Variants in CD101 observed in about 807,000 individuals in gnomAD.
CD101 encodes the protein immunoglobulin superfamily member 2.
Under a neutral mutation model 98.2 loss-of-function variants are expected in CD101, and 76 were observed. The observed-to-expected ratio is 0.77, with a 90% confidence interval of 0.64 to 0.94. CD101 has a LOEUF of 0.94. CD101 is among the 40% of genes least tolerant of loss of function. The pLI is 0.00. For synonymous variants in CD101, 471 were observed against 472.7 expected, an observed-to-expected ratio of 1.00 and a Z score of 0.05; for missense variants, 1,145 against 1,218.8, an observed-to-expected ratio of 0.94 and a Z score of 0.90.
chr1:117,008,964 A>G (rs1054593612), intron 1 of CD101, among the ~76,000 whole-genome samples: 7 of 152,252 alleles, frequency 4.6e-5, no homozygotes, highest in Admixed American at 3.9e-4. Context: ...TCTGCAACAC[A>G]AAATGAACTA....
At chr1:117,032,684 T>C (rs1442804567) in intron 8 of CD101, among the ~76,000 whole-genome samples, 6 of 152,232 alleles carry the variant, frequency 3.9e-5, no homozygotes, top group African/African-American at 1.4e-4. Context: ...ATTTCAGATA[T>C]CATGTCATAA....
At chr1:117,011,461 T>TA (rs1448748842) in intron 2 of CD101, 89 bp from the exon 3 acceptor site, 2 of 1,116,586 alleles carry the variant, frequency 1.8e-6, no homozygotes, top group Admixed American at 4.5e-5. Context: ...GTCTGTGTGC[T>TA]TTACATAGGG....
intron 8 of CD101, among the ~76,000 whole-genome samples, chr1:117,032,763 ACTGTTTC>A (rs563981490): frequency 5.0e-4 from 76 of 152,286 alleles, no homozygotes; most frequent in African/African-American, 1.8e-3. Context: ...GCTTCAATAG[ACTGTTTC>A]CTGAAACCTG....
At chr1:117,003,611 A>G (rs1182674923) in intron 1 of CD101, among the ~76,000 whole-genome samples, 2 of 152,242 alleles carry the variant, frequency 1.3e-5, no homozygotes, top group African/African-American at 4.8e-5. Flanking sequence ...CTGGGTTTAC[A>G]TTGTGCAATA....
chr1:117,033,868 C>G lies in CD101; in HGVS notation c.2833C>G (p.Leu945Val). The part of the protein sequence containing the change: ...VLTVLPSEPT[L>V]PSRICSSAPL... ...TTCTCCCTTCGTTGCAGAGCCCACG[C>G]TTCCTTCCAGGATCTGCTCCTCGGC... Residue 945 changes from leucine to valine, a missense_variant, in exon 9 of 10, where the codon CTT becomes GTT. Coordinates refer to ENST00000682167, the MANE Select transcript of CD101 (RefSeq NM_001256106.3). This position sits in a 1 kb window ranked among gnomAD's most constrained non-coding sequence, Gnocchi z 4.8. 1.2e-6 allele frequency: 2 copies of G among 1,614,198 alleles called. No individual in the cohort carries two copies. Among genetic ancestry groups the G allele is most frequent in the African/African-American group, 2.7e-5 (2 of 75,054 alleles).
chr1:117,013,564 G>A lies in CD101; in HGVS notation c.1000G>A (p.Val334Ile). 1.9e-6 allele frequency: 3 copies of A among 1,614,204 alleles called. No homozygotes were observed. The highest frequency in any genetic ancestry group is 1.7e-6 in the Non-Finnish European group (2 of 1,180,026). ...AATTGCTCACATTGATGCTGGTGGA[G>A]TCCTGGGCCTGAAGAATGACTACAA... ...TEIAHIDAGG[V>I]LGLKNDYKER... The change falls in exon 4 of 10, where the codon GTC becomes ATC. Residue 334 changes from valine (V) to isoleucine (I), a missense_variant. Val to Ile is a conservative substitution (Grantham distance 29, BLOSUM62 3). Transcript: ENST00000682167.
rs778002880 is a variant in CD101 at position 117,017,243 on chromosome 1, C to G, written c.1382C>G (p.Ala461Gly). The G allele has an allele frequency of 1.2e-6, 2 of 1,614,088 alleles. No homozygotes were observed. Among genetic ancestry groups the G allele is most frequent in the African/African-American group, 2.7e-5 (2 of 74,932 alleles). The change falls in exon 5 of 10, where the codon GCT (alanine) becomes GGT (glycine). Residue 461 changes from alanine to glycine, a missense_variant. Ala to Gly is a moderately conservative substitution (Grantham distance 60). Transcript: ENST00000682167. ...PRDQTQPEFV[A>G]GMGQDGIVQL... ...GACCAGACACAGCCCGAGTTTGTGG[C>G]TGGCATGGGGCAGGATGGCATTGTG...
rs1294765282 is a variant in CD101, at chr1:117,033,865, A to G, written c.2830A>G (p.Thr944Ala). Reference protein sequence around the residue: ...MVLTVLPSEPTLPSRICSSAP... With the variant: ...MVLTVLPSEPALPSRICSSAP... ...TGTTTCTCCCTTCGTTGCAGAGCCCACGCTTCCTTCCAGGATCTGCTCCTC... is the reference window on the plus strand; with the variant it reads ...TGTTTCTCCCTTCGTTGCAGAGCCCGCGCTTCCTTCCAGGATCTGCTCCTC... Residue 944 changes from threonine (T) to alanine (A), a missense_variant, in exon 9 of 10, where the codon ACG becomes GCG. Coordinates refer to ENST00000682167, the MANE Select transcript of CD101 (RefSeq NM_001256106.3). This position sits in a 1 kb window ranked among gnomAD's most constrained non-coding sequence, Gnocchi z 4.8. The G allele has an allele frequency of 3.5e-5, 57 of 1,614,042 alleles. No homozygotes were observed. The highest frequency in any genetic ancestry group is 4.2e-5 in the Non-Finnish European group (49 of 1,180,024).
chr1:117,006,061 T>G lies in CD101; in HGVS notation c.44-3789T>G, dbSNP rs1300908293. On this transcript the variant is annotated intron_variant, in intron 1 of 9. Coordinates refer to ENST00000682167, the MANE Select transcript of CD101 (RefSeq NM_001256106.3). This position sits in a 1 kb window ranked among gnomAD's most constrained non-coding sequence, Gnocchi z 4.4. ...TATTTCTAAAATTAAATGCATTATATTTTCACTCACCCTTATACACACAAC... is the reference window on the plus strand; with the variant it reads ...TATTTCTAAAATTAAATGCATTATAGTTTCACTCACCCTTATACACACAAC... Among the ~76,000 whole-genome samples the G allele has an allele frequency of 6.6e-6, 1 of 152,176 alleles. No individual in the cohort carries two copies. Among genetic ancestry groups the G allele is most frequent in the African/African-American group, 2.4e-5 (1 of 41,436 alleles).
In CD101 at chr1:117,004,013, C is replaced by T. The variant is rs1039261241; in HGVS notation, c.43+2153C>T. Among the ~76,000 whole-genome samples the T allele has an allele frequency of 1.3e-5, 2 of 152,056 alleles. No homozygotes were observed. The highest frequency in any genetic ancestry group is 4.8e-5 in the African/African-American group (2 of 41,400). ...TTAGTAAATATAAGGACTGAACAAT[C>T]CTGATAGAAAATGGTGCCATATGAG... On this transcript the variant is annotated intron_variant, in intron 1 of 9. Transcript: ENST00000682167. This position sits in a 1 kb window ranked among gnomAD's most constrained non-coding sequence, Gnocchi z 4.1.
chr1:117,014,185 T>TTGTGTGTG (rs3220776), intron 4 of CD101, among the ~76,000 whole-genome samples: 1,804 of 141,220 alleles, frequency 0.013, 33 homozygotes, highest in African/African-American at 0.039. Flanking sequence ...CCCTCTGCCT[T>TTGTGTGTG]TGTGTGTGTG....
In CD101 at chr1:117,029,171, GA is replaced by G. The variant is rs1283310971; in HGVS notation, c.2824+3270del. On this transcript the variant is annotated intron_variant, in intron 8 of 9. Transcript: ENST00000682167. The stretch of plus-strand genomic sequence containing the variant: ...AGAAAGAAAGAAAGAAAGAAAGAAA[GA>G]AAGAAAGAAAGAAAGAAAGAAAGAA... 1.2e-3 allele frequency among the ~76,000 whole-genome samples: 119 copies of G among 97,886 alleles called. 4 individuals are homozygous for G. Among genetic ancestry groups the G allele is most frequent in the Middle Eastern group, 8.5e-3 (2 of 236 alleles). The allele number at this position is 97,886 out of a possible 152,430, so 64.2% of individuals were successfully genotyped here.
intron 7 of CD101, 48 bp from the exon 8 acceptor site, chr1:117,025,461 A>C: frequency 1.3e-6 from 2 of 1,483,748 alleles, no homozygotes; most frequent in South Asian, 2.7e-5. Context: ...GGTGGTATCC[A>C]AATCTGAAAG....
In CD101 at chr1:117,025,736, C is replaced by G. The variant is rs145563609; in HGVS notation, c.2656C>G (p.Arg886Gly). The change falls in exon 8 of 10, where the codon CGT becomes GGT. Residue 886 changes from arginine to glycine, a missense_variant. Arg to Gly is a moderately radical substitution (Grantham distance 125). Transcript: ENST00000682167. ...GCTCAGGAGGCACCTGCACTGTTACCGTTCATCCTCTACAGACTTTGTCCT... is the reference window on the plus strand; with the variant it reads ...GCTCAGGAGGCACCTGCACTGTTACGGTTCATCCTCTACAGACTTTGTCCT... ...EGLRRHLHCY[R>G]SSSTDFVLKL... is the part of the protein sequence containing the mutation. 4.3e-6 allele frequency: 7 copies of G among 1,614,022 alleles called. No individual in the cohort carries two copies. The East Asian group carries it at 1.3e-4, about 31-fold the overall frequency.
At chr1:117,029,724 A>T (rs1170329418) in intron 8 of CD101, among the ~76,000 whole-genome samples, 1 of 152,198 alleles carries the variant, frequency 6.6e-6, no homozygotes, top group Non-Finnish European at 1.5e-5. Flanking sequence ...ATAATATGCT[A>T]CCTATGGTCA....
At chr1:117,003,407 A>G (rs1219161179) in intron 1 of CD101, among the ~76,000 whole-genome samples, 1 of 152,194 alleles carries the variant, frequency 6.6e-6, no homozygotes, top group African/African-American at 2.4e-5. Flanking sequence ...CTGCAGGGGA[A>G]GTTACTGGGA....
intron 2 of CD101, 57 bp from the exon 3 acceptor site, chr1:117,011,493 G>T: frequency 6.8e-7 from 1 of 1,479,642 alleles, no homozygotes; most frequent in South Asian, 1.3e-5. Context: ...GCCATCTAAG[G>T]AGGCCCACTG....
chr1:117,027,784 A>C (rs1359405814), intron 8 of CD101, among the ~76,000 whole-genome samples: 1 of 152,228 alleles, frequency 6.6e-6, no homozygotes, highest in Non-Finnish European at 1.5e-5. Context: ...GAAAGTTCCC[A>C]CATTAAAATG....
chr1:117,018,309 TC>T lies in CD101; in HGVS notation c.1768del (p.His590ThrfsTer37), dbSNP rs781205610. ...TTCCAGCCAGCTAGCTCTCACATCT[TC>T]CACCAGCTTATTCGAATCACCCACA... ...WQFQPASSHI[F>X]HQLIRITHNG... On this transcript the variant is annotated frameshift_variant, in exon 6 of 10. Transcript: ENST00000682167. LOFTEE classifies it high-confidence loss of function. The surrounding 1 kb of genome is among the most constrained non-coding windows in gnomAD (Gnocchi z 4.3). 5.6e-6 allele frequency: 9 copies of T among 1,614,050 alleles called. No individual in the cohort carries two copies. The Admixed American group carries it at 1.5e-4, about 27-fold the overall frequency.
Sources: allele counts gnomAD v4.1 joint callset (sites outside exome capture counted in the v4.1 genomes callset), GRCh38; gene constraint gnomAD v4.1.1; non-coding constraint Gnocchi (gnomAD v3.1); transcripts MANE v1.5; gene names NCBI Gene and HGNC (gene_info 2026-07-23, HGNC 2026-07-21).